PRKDC: variants seen among roughly 807,000 people sequenced by gnomAD.
PRKDC encodes the protein DNA-dependent protein kinase catalytic subunit.
A neutral mutation model predicts 486.9 loss-of-function variants in PRKDC; 82 were observed. The observed-to-expected ratio is 0.17, with a 90% CI of 0.14 to 0.20. The LOEUF is 0.20. Among genes scored for constraint, PRKDC ranks in the 10% least tolerant of loss-of-function variants. The pLI is 1.00. For missense variants in PRKDC, 4,504 were observed against 5,038.2 expected (o/e 0.89, Z 3.21); for synonymous variants, 1,895 against 1,837.0 (o/e 1.03, Z -0.81).
intron 54 of PRKDC, among the ~76,000 whole-genome samples, chr8:47,843,228 T>C (rs2088191451): frequency 6.6e-6 from 1 of 152,040 alleles, no homozygotes; most frequent in Non-Finnish European, 1.5e-5. Context: ...TTTTGAAAGA[T>C]TCACTACAGG....
chr8:47,799,173 A>C (rs761027293), intron 72 of PRKDC, 37 bp downstream of exon 72: 1 of 1,610,832 alleles, frequency 6.2e-7, no homozygotes, highest in South Asian at 1.1e-5. Context: ...CTTTATGCTG[A>C]CATAATGGAA....
At position 47,849,774 on chromosome 8, in the gene PRKDC, C is replaced by T. The variant is rs1018179090; in HGVS notation, c.7006-271G>A. 3.9e-5 allele frequency among the ~76,000 whole-genome samples: 6 copies of T among 152,122 alleles called. No individual in the cohort carries two copies. In the East Asian group the frequency reaches 5.8e-4, roughly 15 times the overall value. The stretch of plus-strand genomic sequence containing the variant: ...GTGCTGAGCACCCAGGTGTCTGGCT[C>T]GTGTAGATGTCAGATCAATGAAGAT... On this transcript the variant is annotated intron_variant, in intron 52 of 85. Coordinates refer to ENST00000314191, the MANE Select transcript of PRKDC (RefSeq NM_006904.7).
chr8:47,814,293 T>C (rs1396049982), intron 68 of PRKDC, among the ~76,000 whole-genome samples: 1 of 152,220 alleles, frequency 6.6e-6, no homozygotes, highest in Non-Finnish European at 1.5e-5. Context: ...CTATCTTCTC[T>C]AACATCAGGA....
intron 84 of PRKDC, among the ~76,000 whole-genome samples, 187 bp downstream of exon 84, chr8:47,777,498 TG>T (rs1263111338): frequency 2.0e-5 from 3 of 152,172 alleles, no homozygotes; most frequent in Non-Finnish European, 4.4e-5. Flanking sequence ...TGTGAGCCAC[TG>T]GGCCCAGCCT....
intron 54 of PRKDC, among the ~76,000 whole-genome samples, chr8:47,847,666 T>G (rs1419325390): frequency 3.3e-5 from 5 of 151,992 alleles, no homozygotes; most frequent in African/African-American, 1.2e-4. Context: ...ATTAAAGAGA[T>G]TCTGTGCAGC....
At chr8:47,867,586 T>C (rs2088846687) in intron 40 of PRKDC, among the ~76,000 whole-genome samples, 1 of 152,188 alleles carries the variant, frequency 6.6e-6, no homozygotes, top group Non-Finnish European at 1.5e-5. Flanking sequence ...TTTTTGAAAG[T>C]ATTTTGTGCA....
intron 29 of PRKDC, among the ~76,000 whole-genome samples, chr8:47,897,768 C>A (rs964710325): frequency 6.6e-6 from 1 of 152,176 alleles, no homozygotes; most frequent in Non-Finnish European, 1.5e-5. Flanking sequence ...AAAGTTAGAA[C>A]CAATGAACTA....
At chr8:47,911,921 C>A (rs2089911188) in intron 25 of PRKDC, among the ~76,000 whole-genome samples, 1 of 152,040 alleles carries the variant, frequency 6.6e-6, no homozygotes, top group East Asian at 1.9e-4. Context: ...AGATGCGCAC[C>A]ACCACGCCTA....
intron 3 of PRKDC, among the ~76,000 whole-genome samples, 175 bp downstream of exon 3, chr8:47,956,996 A>C (rs929122357): frequency 1.3e-5 from 2 of 150,196 alleles, no homozygotes; most frequent in African/African-American, 4.8e-5. Flanking sequence ...AAAAAAAAAA[A>C]AAAAACCTAA....
At chr8:47,888,717 A>G in intron 33 of PRKDC, 67 bp from the exon 34 acceptor site, 4 of 1,472,650 alleles carry the variant, frequency 2.7e-6, no homozygotes, top group Non-Finnish European at 3.6e-6. Flanking sequence ...GATACACTGA[A>G]AAAAATGTTT....
intron 23 of PRKDC, among the ~76,000 whole-genome samples, chr8:47,914,565 C>T (rs8178056): frequency 2.8e-3 from 422 of 152,178 alleles, no homozygotes; most frequent in Non-Finnish European, 3.9e-3. Context: ...TTTGGGAGGC[C>T]GAGGCTGGTG....
chr8:47,859,002 C>T lies in PRKDC; in HGVS notation c.6208-16G>A. ...CCCGCTGCTCCTGCGAAAGGGAGGG[C>T]CCAGGAGAGCAGAGGGTACAGTTAA... is the stretch of plus-strand genomic sequence containing the variant. On this transcript the variant is annotated splice_polypyrimidine_tract_variant and intron_variant, in intron 46 of 85. Transcript: ENST00000314191. 1 of 1,610,856 alleles carries T rather than the reference C, an allele frequency of 6.2e-7. No homozygotes were observed. Among genetic ancestry groups the T allele is most frequent in the African/African-American group, 1.3e-5 (1 of 75,016 alleles).
At chr8:47,888,465 C>T in intron 34 of PRKDC, 53 bp downstream of exon 34, 1 of 1,404,854 alleles carries the variant, frequency 7.1e-7, no homozygotes. Flanking sequence ...AATAAATACA[C>T]TAATTATCAT....
At chr8:47,855,834 T>A (rs1032337517) in intron 49 of PRKDC, among the ~76,000 whole-genome samples, 2 of 152,180 alleles carry the variant, frequency 1.3e-5, no homozygotes, top group East Asian at 3.9e-4. Context: ...TCTGTGCTAA[T>A]CCATCTGGCT....
intron 74 of PRKDC, among the ~76,000 whole-genome samples, chr8:47,791,291 A>G (rs1224791300): frequency 1.3e-5 from 2 of 152,150 alleles, no homozygotes; most frequent in African/African-American, 4.8e-5. Context: ...CCTGGCCAAC[A>G]TGGTGAAACC....
At chr8:47,903,274 C>T (rs1157573612) in intron 26 of PRKDC, among the ~76,000 whole-genome samples, 1 of 152,180 alleles carries the variant, frequency 6.6e-6, no homozygotes, top group African/African-American at 2.4e-5. Flanking sequence ...GAAGAGCAGA[C>T]CCCATAAAGG....
Position 47,887,645 on chromosome 8 carries a change from C to A in PRKDC, c.4474G>T (p.Ala1492Ser). The A allele has an allele frequency of 6.2e-7, 1 of 1,608,882 alleles. No homozygotes were observed. Among genetic ancestry groups the A allele is most frequent in the Non-Finnish European group, 8.5e-7 (1 of 1,177,712 alleles). ...AGACACTGTCTCTCATCTCCAGGGG[C>A]AATGCCTTTATAAACCAGGGAAAGA... ...ELLSLVYKGI[A>S]PGDERQCLPS... The change falls in exon 35 of 86, where the codon GCC (alanine) becomes TCC (serine). Residue 1492 changes from alanine (A) to serine (S), a missense_variant. Transcript: ENST00000314191.
At chr8:47,849,972 T>A (rs927571909) in intron 52 of PRKDC, among the ~76,000 whole-genome samples, 2 of 152,214 alleles carry the variant, frequency 1.3e-5, no homozygotes, top group African/African-American at 4.8e-5. Context: ...GCAGTCCCCA[T>A]CACTGTACTG....
chr8:47,959,218 A>T (rs2090767381), intron 1 of PRKDC: 1 of 152,224 alleles, frequency 6.6e-6, no homozygotes, highest in African/African-American at 2.4e-5. Context: ...TGCTAAAAAG[A>T]GGCACTTTTA....
Sources: allele counts gnomAD v4.1 joint callset (sites outside exome capture counted in the v4.1 genomes callset), GRCh38; gene constraint gnomAD v4.1.1; transcripts MANE v1.5; gene names NCBI Gene and HGNC (gene_info 2026-07-23, HGNC 2026-07-21).